Variants in EGFLAM observed in about 807,000 individuals in gnomAD.
EGFLAM encodes EGF like, fibronectin type III and laminin G domains, also known as pikachurin.
EGFLAM carries 79 observed loss-of-function variants against 113.1 expected under a neutral mutation model. The ratio of observed to expected loss-of-function variants is 0.70; its 90% CI spans 0.58 to 0.84. EGFLAM has a LOEUF of 0.84. Ranked by LOEUF, EGFLAM falls within the 40% of genes least tolerant of loss-of-function variation. The pLI is 0.00. For synonymous variants in EGFLAM, 504 were observed against 487.6 expected, an observed-to-expected ratio of 1.03 and a Z score of -0.44; for missense variants, 1,265 against 1,291.6, an observed-to-expected ratio of 0.98 and a Z score of 0.32.
At chr5:38,394,711 C>CTTT (rs11451294) in intron 6 of EGFLAM, among the ~76,000 whole-genome samples, 10,525 of 121,560 alleles carry the variant, frequency 0.087, 1,254 homozygotes, top group African/African-American at 0.27. Context: ...GCCGGGCCCA[C>CTTT]TTTTTTTTTT....
intron 6 of EGFLAM, among the ~76,000 whole-genome samples, chr5:38,388,145 T>C (rs2112080215): frequency 6.6e-6 from 1 of 152,346 alleles, no homozygotes; most frequent in Middle Eastern, 3.4e-3. Flanking sequence ...TTTGAGACAG[T>C]TCCACCTGAC....
At chr5:38,352,420 G>A (rs1203297225) in intron 5 of EGFLAM, 89 bp downstream of exon 5, 33 of 1,534,946 alleles carry the variant, frequency 2.1e-5, no homozygotes, top group Admixed American at 3.5e-5. Flanking sequence ...AGGCTGAGGC[G>A]GGCAGATCAC....
chr5:38,415,206 T>TA (rs1227435517), intron 11 of EGFLAM, among the ~76,000 whole-genome samples: 3 of 150,604 alleles, frequency 2.0e-5, no homozygotes, highest in African/African-American at 7.3e-5. Flanking sequence ...ACTAAAAATA[T>TA]AAAAAAATTA....
chr5:38,316,153 T>C (rs773540128), intron 1 of EGFLAM, among the ~76,000 whole-genome samples: 24 of 152,130 alleles, frequency 1.6e-4, no homozygotes, highest in Non-Finnish European at 3.2e-4. Flanking sequence ...ATTTTATTAC[T>C]AGTATAGCCC....
At chr5:38,325,571 A>C (rs905572549) in intron 1 of EGFLAM, among the ~76,000 whole-genome samples, 7 of 152,250 alleles carry the variant, frequency 4.6e-5, no homozygotes, top group African/African-American at 1.4e-4. Flanking sequence ...CATTGCTTTA[A>C]GATTTACAAA....
At chr5:38,297,432 A>G (rs997869878) in intron 1 of EGFLAM, among the ~76,000 whole-genome samples, 1 of 152,236 alleles carries the variant, frequency 6.6e-6, no homozygotes, top group African/African-American at 2.4e-5. Context: ...CCAGAAACAT[A>G]GATATTCCTA....
intron 17 of EGFLAM, among the ~76,000 whole-genome samples, chr5:38,439,922 G>A (rs886436379): frequency 5.3e-5 from 8 of 152,146 alleles, no homozygotes; most frequent in East Asian, 1.9e-4. Flanking sequence ...TGTAAATCCC[G>A]GACTTAGATG....
chr5:38,384,890 G>T (rs958630157), intron 6 of EGFLAM, among the ~76,000 whole-genome samples: 1 of 152,120 alleles, frequency 6.6e-6, no homozygotes, highest in Non-Finnish European at 1.5e-5. Context: ...AATGCCTGGA[G>T]ACATTTTTGG....
chr5:38,407,468 C>A (rs1438114001), intron 8 of EGFLAM, among the ~76,000 whole-genome samples: 1 of 152,138 alleles, frequency 6.6e-6, no homozygotes, highest in African/African-American at 2.4e-5. Flanking sequence ...AAAGCTTATG[C>A]ATGAGGGTTA....
At chr5:38,290,517 T>A (rs1758296902) in intron 1 of EGFLAM, 1 of 152,254 alleles carries the variant, frequency 6.6e-6, no homozygotes, top group African/African-American at 2.4e-5. Context: ...CAAAACCCAC[T>A]ATCTGTTCAC....
chr5:38,378,567 C>G (rs1228376178), intron 6 of EGFLAM, among the ~76,000 whole-genome samples: 1 of 152,218 alleles, frequency 6.6e-6, no homozygotes, highest in Non-Finnish European at 1.5e-5. Context: ...GCTCCAAAGT[C>G]CCTGTGACTT....
intron 6 of EGFLAM, among the ~76,000 whole-genome samples, chr5:38,397,010 G>A (rs191203540): frequency 1.3e-5 from 2 of 152,286 alleles, no homozygotes; most frequent in East Asian, 1.9e-4. Flanking sequence ...ACCCCACAGG[G>A]GTTATGCACC....
intron 1 of EGFLAM, among the ~76,000 whole-genome samples, chr5:38,304,407 C>T (rs868479993): frequency 6.6e-6 from 1 of 152,162 alleles, no homozygotes; most frequent in Non-Finnish European, 1.5e-5. Flanking sequence ...GAACAGGGGG[C>T]ATCCATCACA....
At chr5:38,431,699 ATCTGGC>A (rs1380684816) in intron 15 of EGFLAM, among the ~76,000 whole-genome samples, 1 of 152,164 alleles carries the variant, frequency 6.6e-6, no homozygotes, top group Admixed American at 6.5e-5. Flanking sequence ...GGGGCTCAAA[ATCTGGC>A]TCAATTACTT....
At position 38,265,735 on chromosome 5, in the gene EGFLAM, C is replaced by A. The variant is rs73071592; in HGVS notation, c.97+6884C>A. ...TTAGATGAGTCAAATAAAATTTCTG[C>A]CAGCAGAGGGCGCACATTCCAGAGC... On this transcript the variant is annotated intron_variant, in intron 1 of 21. Transcript: ENST00000322350. Among the ~76,000 whole-genome samples, 492 of 152,330 alleles carry A rather than the reference C, an allele frequency of 3.2e-3. 7 individuals are homozygous for A. Among genetic ancestry groups the A allele is most frequent in the African/African-American group, 0.011 (476 of 41,574 alleles).
intron 6 of EGFLAM, among the ~76,000 whole-genome samples, chr5:38,381,804 A>T (rs1740518835): frequency 1.3e-5 from 2 of 152,194 alleles, no homozygotes; most frequent in African/African-American, 4.8e-5. Flanking sequence ...GGCACAGGGC[A>T]GGGTGGAGAA....
intron 6 of EGFLAM, among the ~76,000 whole-genome samples, chr5:38,386,218 T>TTTG (rs938762898): frequency 5.3e-5 from 8 of 152,134 alleles, no homozygotes; most frequent in African/African-American, 1.4e-4. Context: ...TCACAAATAC[T>TTTG]TTGTTGTTGT....
chr5:38,419,157 C>G (rs1201808962), intron 12 of EGFLAM, among the ~76,000 whole-genome samples: 1 of 152,148 alleles, frequency 6.6e-6, no homozygotes, highest in South Asian at 2.1e-4. Flanking sequence ...TATAAGGACA[C>G]CAATCGGACT....
chr5:38,430,579 G>C (rs909946167), intron 14 of EGFLAM, among the ~76,000 whole-genome samples: 2 of 152,152 alleles, frequency 1.3e-5, no homozygotes, highest in Non-Finnish European at 2.9e-5. Context: ...TCCATAACAT[G>C]CTAACCCATG....
Sources: allele counts gnomAD v4.1 joint callset (sites outside exome capture counted in the v4.1 genomes callset), GRCh38; gene constraint gnomAD v4.1.1; transcripts MANE v1.5; gene names NCBI Gene and HGNC (gene_info 2026-07-23, HGNC 2026-07-21).